The following SMOC1 variants were observed in gnomAD, a reference collection of about 807,000 sequenced individuals.
The protein encoded by SMOC1 is SPARC related modular calcium binding 1.
SMOC1 carries 22 observed loss-of-function variants against 56.3 expected under a neutral mutation model. That is an observed-to-expected ratio of 0.39 (90% CI 0.28 to 0.56). The LOEUF (loss-of-function observed/expected upper bound fraction) is 0.56. Ranked by LOEUF, SMOC1 falls within the 20% of genes least tolerant of loss-of-function variation. SMOC1 has a pLI of 0.61. For missense variants in SMOC1, 509 were observed against 565.4 expected (o/e 0.90, Z 1.01); for synonymous variants, 193 against 215.0 (o/e 0.90, Z 0.89).
At chr14:69,914,986 C>A (rs1440761325) in intron 1 of SMOC1, among the ~76,000 whole-genome samples, 1 of 152,136 alleles carries the variant, frequency 6.6e-6, no homozygotes, top group East Asian at 1.9e-4. Flanking sequence ...CCTGCTTCAG[C>A]CTCCCAGGTA....
At chr14:69,973,124 T>A (rs61977384) in intron 3 of SMOC1, among the ~76,000 whole-genome samples, 5,035 of 152,296 alleles carry the variant, frequency 0.033, 122 homozygotes, top group Non-Finnish European at 0.05. Flanking sequence ...GAACTGTCTT[T>A]AGGAAATATC....
intron 1 of SMOC1, among the ~76,000 whole-genome samples, chr14:69,882,408 G>C (rs1261173754): frequency 6.6e-6 from 1 of 152,126 alleles, no homozygotes; most frequent in Non-Finnish European, 1.5e-5. Context: ...CTAGACCCCA[G>C]TCCTCGCCCC....
chr14:69,929,748 G>C (rs1351652996), intron 1 of SMOC1, among the ~76,000 whole-genome samples: 5 of 152,176 alleles, frequency 3.3e-5, no homozygotes, highest in African/African-American at 1.2e-4. Context: ...AGAGCTTCTT[G>C]GTTCTGGATT....
chr14:69,946,057 C>T (rs1356979245), intron 1 of SMOC1, among the ~76,000 whole-genome samples: 2 of 152,204 alleles, frequency 1.3e-5, no homozygotes, highest in Non-Finnish European at 2.9e-5. Context: ...TAGGCTGGCT[C>T]TTTTATTCCC....
intron 7 of SMOC1, among the ~76,000 whole-genome samples, chr14:70,001,856 C>T (rs1884980853): frequency 6.6e-6 from 1 of 152,204 alleles, no homozygotes; most frequent in South Asian, 2.1e-4. Flanking sequence ...ACAGAGAAAA[C>T]AAGGGGTAGA....
intron 7 of SMOC1, among the ~76,000 whole-genome samples, chr14:69,994,874 G>T (rs543066807): frequency 6.6e-6 from 1 of 152,178 alleles, no homozygotes. Context: ...GTCTTCTCTG[G>T]TCTGATCTTT....
chr14:69,959,710 C>G (rs1883304624), intron 3 of SMOC1, among the ~76,000 whole-genome samples: 1 of 152,002 alleles, frequency 6.6e-6, no homozygotes, highest in Non-Finnish European at 1.5e-5. Context: ...ATATAGGGAT[C>G]TATATGCATG....
At chr14:69,950,900 T>G (rs1882971764) in intron 1 of SMOC1, among the ~76,000 whole-genome samples, 1 of 152,216 alleles carries the variant, frequency 6.6e-6, no homozygotes, top group African/African-American at 2.4e-5. Context: ...TAAAACAATT[T>G]ATTATTATAA....
At chr14:70,022,013 C>T (rs1218931162) in intron 10 of SMOC1, among the ~76,000 whole-genome samples, 1 of 152,138 alleles carries the variant, frequency 6.6e-6, no homozygotes, top group Non-Finnish European at 1.5e-5. Flanking sequence ...TGTCCCAGCG[C>T]CCTGCACACT....
At chr14:69,903,713 T>G (rs983023556) in intron 1 of SMOC1, among the ~76,000 whole-genome samples, 4 of 152,016 alleles carry the variant, frequency 2.6e-5, no homozygotes, top group African/African-American at 9.7e-5. Context: ...AGCATGCTCG[T>G]TAATAGTCAT....
intron 5 of SMOC1, among the ~76,000 whole-genome samples, chr14:69,991,733 T>A (rs112254178): frequency 3.9e-5 from 6 of 152,316 alleles, no homozygotes; most frequent in African/African-American, 1.2e-4. Context: ...AAGTCCCATG[T>A]CCTCTCCCAT....
intron 1 of SMOC1, among the ~76,000 whole-genome samples, chr14:69,882,114 A>G (rs1883657573): frequency 6.6e-6 from 1 of 152,188 alleles, no homozygotes; most frequent in Non-Finnish European, 1.5e-5. Context: ...ACTTAAGGCA[A>G]ATGACTGAAT....
chr14:69,965,293 A>G (rs1883526357), intron 3 of SMOC1, among the ~76,000 whole-genome samples: 1 of 151,928 alleles, frequency 6.6e-6, no homozygotes, highest in African/African-American at 2.4e-5. Context: ...AGGCAGGAGA[A>G]TCGCTTGAAC....
At chr14:70,015,681 A>G (rs1885485290) in intron 10 of SMOC1, among the ~76,000 whole-genome samples, 1 of 152,080 alleles carries the variant, frequency 6.6e-6, no homozygotes, top group Admixed American at 6.5e-5. Context: ...GACAGGGTTC[A>G]ACAGGCCCAC....
intron 9 of SMOC1, among the ~76,000 whole-genome samples, chr14:70,012,276 CA>C (rs2139590499): frequency 6.6e-6 from 1 of 152,322 alleles, no homozygotes; most frequent in South Asian, 2.1e-4. Context: ...CACCCCATCA[CA>C]AGAATGGAGT....
chr14:69,888,215 A>T (rs1289480595), intron 1 of SMOC1, among the ~76,000 whole-genome samples: 1 of 152,172 alleles, frequency 6.6e-6, no homozygotes, highest in Non-Finnish European at 1.5e-5. Context: ...GTCATGAGTC[A>T]CTGAGAGGTT....
chr14:69,879,835 C>A (rs948849091), intron 1 of SMOC1, 58 bp downstream of exon 1: 1 of 1,441,948 alleles, frequency 6.9e-7, no homozygotes, highest in Non-Finnish European at 9.3e-7. Context: ...TGCTTCCCCC[C>A]TCATCCCTGA....
chr14:69,932,713 G>A (rs1031775127), intron 1 of SMOC1, among the ~76,000 whole-genome samples: 4 of 152,172 alleles, frequency 2.6e-5, no homozygotes, highest in South Asian at 2.1e-4. Context: ...CCCCTGTGCC[G>A]GAAGATGGAG....
At chr14:70,015,461 C>CA (rs57899033) in intron 10 of SMOC1, among the ~76,000 whole-genome samples, 2,244 of 150,556 alleles carry the variant, frequency 0.015, 27 homozygotes, top group Non-Finnish European at 0.024. Context: ...ACAACAACAA[C>CA]AAAAAAAAAA....
Sources: allele counts gnomAD v4.1 joint callset (sites outside exome capture counted in the v4.1 genomes callset), GRCh38; gene constraint gnomAD v4.1.1; transcripts MANE v1.5; gene names NCBI Gene and HGNC (gene_info 2026-07-23, HGNC 2026-07-21).